JAM3: variants seen among roughly 807,000 people sequenced by gnomAD.
JAM3 encodes junctional adhesion molecule C.
A neutral mutation model predicts 39.4 loss-of-function variants in JAM3; 31 were observed. The observed-to-expected ratio is 0.79, with a 90% CI of 0.59 to 1.06. JAM3 has a LOEUF of 1.06. Among genes scored for constraint, JAM3 ranks in the 50% least tolerant of loss-of-function variants. The probability of loss-of-function intolerance (pLI) is 0.00; values close to 1 mark genes in which losing one functional copy is unlikely to be tolerated. For missense variants in JAM3, 455 were observed against 391.4 expected, an observed-to-expected ratio of 1.16 and a Z score of -1.37; for synonymous variants, 182 against 148.7, an observed-to-expected ratio of 1.22 and a Z score of -1.63.
Position 134,076,619 on chromosome 11 carries a change from T to C in JAM3, c.76+7460T>C, listed in dbSNP as rs75076410. ...GTATTATAAATGGATATTTGATTGA[T>C]ATTAATCTGTGAAAATCTAGGCCTA... On this transcript the variant is annotated intron_variant, in intron 1 of 8. Transcript: ENST00000299106. 3.2e-4 allele frequency among the ~76,000 whole-genome samples: 48 copies of C among 152,324 alleles called. No homozygotes were observed. The East Asian group carries it at 8.9e-3, about 28-fold the overall frequency.
intron 1 of JAM3, chr11:134,124,348 AGT>A: frequency 2.7e-6 from 2 of 737,270 alleles, no homozygotes; most frequent in Admixed American, 1.9e-5. Context: ...GAAAAATGTG[AGT>A]GTGCGTGTGA....
At chr11:134,083,610 A>T (rs2155086) in intron 1 of JAM3, among the ~76,000 whole-genome samples, 11,823 of 152,106 alleles carry the variant, frequency 0.078, 597 homozygotes, top group Admixed American at 0.11. Flanking sequence ...AATCTGTTAA[A>T]ACTTTGGTTG....
intron 1 of JAM3, among the ~76,000 whole-genome samples, chr11:134,118,227 G>A (rs1198058334): frequency 6.6e-6 from 1 of 152,186 alleles, no homozygotes; most frequent in East Asian, 1.9e-4. Context: ...GGGTCTCATG[G>A]CAACAGGCAG....
intron 1 of JAM3, among the ~76,000 whole-genome samples, chr11:134,098,925 G>C (rs180800440): frequency 6.6e-6 from 1 of 152,160 alleles, no homozygotes; most frequent in African/African-American, 2.4e-5. Context: ...AGGGAGAGGC[G>C]TGGTGGCTCA....
In JAM3 at chr11:134,097,775, A is replaced by G. The variant is rs953463632; in HGVS notation, c.76+28616A>G. Among the ~76,000 whole-genome samples the G allele has an allele frequency of 2.6e-5, 4 of 152,182 alleles. No homozygotes were observed. In the East Asian group the frequency reaches 7.7e-4, roughly 29 times the overall value. On this transcript the variant is annotated intron_variant, in intron 1 of 8. Transcript: ENST00000299106. ...TATATTACAAGTTGCCACTTTATAAATTCTACAGATCATGGAAAGTAGTTT... is the reference window on the plus strand; with the variant it reads ...TATATTACAAGTTGCCACTTTATAAGTTCTACAGATCATGGAAAGTAGTTT...
intron 3 of JAM3, among the ~76,000 whole-genome samples, chr11:134,141,372 C>A (rs1281971677): frequency 6.6e-6 from 1 of 151,938 alleles, no homozygotes; most frequent in Non-Finnish European, 1.5e-5. Context: ...TATGAAGACG[C>A]AGAAGCAACA....
At chr11:134,103,167 G>A (rs552814553) in intron 1 of JAM3, among the ~76,000 whole-genome samples, 2 of 152,306 alleles carry the variant, frequency 1.3e-5, no homozygotes, top group Admixed American at 1.3e-4. Flanking sequence ...GGATTTCTCG[G>A]CAGAAACTCC....
intron 1 of JAM3, among the ~76,000 whole-genome samples, chr11:134,118,640 C>G (rs1223567094): frequency 6.6e-6 from 1 of 152,152 alleles, no homozygotes; most frequent in Non-Finnish European, 1.5e-5. Flanking sequence ...TCTTCCTCCT[C>G]TCTCCCTGCC....
chr11:134,113,018 A>G (rs1282369012), intron 1 of JAM3, among the ~76,000 whole-genome samples: 1 of 152,236 alleles, frequency 6.6e-6, no homozygotes, highest in Non-Finnish European at 1.5e-5. Context: ...AGTCCAGTGC[A>G]CTCTGGGAGA....
chr11:134,102,095 C>T (rs549276836), intron 1 of JAM3, among the ~76,000 whole-genome samples: 208 of 152,202 alleles, frequency 1.4e-3, no homozygotes, highest in African/African-American at 4.8e-3. Context: ...AGCCACCTTA[C>T]GAAGTAGGCA....
At chr11:134,081,566 G>A (rs11223685) in intron 1 of JAM3, among the ~76,000 whole-genome samples, 3,341 of 152,372 alleles carry the variant, frequency 0.022, 66 homozygotes, top group Non-Finnish European at 0.031. Context: ...CGAGTGCACA[G>A]AAGGTCAAGA....
chr11:134,115,108 A>G (rs910584664), intron 1 of JAM3, among the ~76,000 whole-genome samples: 3 of 152,188 alleles, frequency 2.0e-5, no homozygotes, highest in Non-Finnish European at 4.4e-5. Flanking sequence ...ATTGTTATGA[A>G]ATGACTTCCT....
chr11:134,101,408 G>T (rs1468727015), intron 1 of JAM3, among the ~76,000 whole-genome samples: 1 of 152,154 alleles, frequency 6.6e-6, no homozygotes, highest in Admixed American at 6.5e-5. Context: ...TTCAAAGAGT[G>T]GTAGCAAAGA....
chr11:134,145,957 T>C lies in JAM3; in HGVS notation c.624T>C (p.Ala208=), dbSNP rs750888879. ...NSETGTLVFT[A]VHKDDSGQYY... ...ATTCCCTGAAACAGGTGTTCACTGC[T>C]GTTCACAAGGACGACTCTGGGCAGT... Residue 208 remains alanine (A), a synonymous_variant, in exon 6 of 9, where the codon GCT becomes GCC. Transcript: ENST00000299106. The C allele has an allele frequency of 6.2e-6, 10 of 1,612,706 alleles. No individual in the cohort carries two copies. The highest frequency in any genetic ancestry group is 8.5e-6 in the Non-Finnish European group (10 of 1,178,670).
intron 1 of JAM3, among the ~76,000 whole-genome samples, chr11:134,118,760 G>T (rs767732180): frequency 6.6e-5 from 10 of 151,952 alleles, no homozygotes; most frequent in Non-Finnish European, 1.3e-4. Context: ...TCATAGCTTC[G>T]ATTAACATGG....
At chr11:134,148,375 A>G (rs1049314876) in intron 6 of JAM3, 172 bp from the exon 7 acceptor site, 15 of 716,626 alleles carry the variant, frequency 2.1e-5, no homozygotes, top group South Asian at 1.0e-4. Flanking sequence ...ATGGTGTCCT[A>G]TATGTTCTAG....
At chr11:134,124,020 G>A (rs534097359) in intron 1 of JAM3, 217 of 1,457,294 alleles carry the variant, frequency 1.5e-4, no homozygotes, top group Non-Finnish European at 1.9e-4. Context: ...TCCCAATCCC[G>A]CAACACAAGG....
At chr11:134,128,871 C>T (rs534097060) in intron 1 of JAM3, among the ~76,000 whole-genome samples, 41 of 152,264 alleles carry the variant, frequency 2.7e-4, no homozygotes, top group African/African-American at 9.9e-4. Context: ...CTTTCTCTTG[C>T]TCTGTATTCA....
chr11:134,140,745 T>C lies in JAM3; in HGVS notation c.231T>C (p.Tyr77=). 1.2e-6 allele frequency: 2 copies of C among 1,613,628 alleles called. No homozygotes were observed. The highest frequency in any genetic ancestry group is 1.7e-6 in the Non-Finnish European group (2 of 1,179,768). The change falls in exon 3 of 9, where the codon TAT becomes TAC. Residue 77 remains tyrosine, a synonymous_variant. Transcript: ENST00000299106. The part of the protein sequence containing the change: ...WKKIQDEQTT[Y]VFFDNKIQGD... ...AAATTCAAGATGAACAAACCACATA[T>C]GTGTTTTTTGACAACAAAATTCAGG...
Sources: allele counts gnomAD v4.1 joint callset (sites outside exome capture counted in the v4.1 genomes callset), GRCh38; gene constraint gnomAD v4.1.1; transcripts MANE v1.5; gene names NCBI Gene and HGNC (gene_info 2026-07-23, HGNC 2026-07-21).